The following MGA variants were observed in gnomAD, a reference collection of about 807,000 sequenced individuals.
MGA encodes MAX gene-associated protein.
Under a neutral mutation model 261.1 loss-of-function variants are expected in MGA, and 40 were observed. The ratio of observed to expected loss-of-function variants is 0.15; its 90% CI spans 0.12 to 0.20. The LOEUF (loss-of-function observed/expected upper bound fraction) is 0.20, where lower values mean the gene tolerates loss of function less well. Ranked by LOEUF, MGA falls within the 10% of genes least tolerant of loss-of-function variation. MGA has a pLI of 1.00. For missense variants in MGA, 3,397 were observed against 3,630.5 expected, an observed-to-expected ratio of 0.94 and a Z score of 1.65; for synonymous variants, 1,302 against 1,290.6, an observed-to-expected ratio of 1.01 and a Z score of -0.19.
intron 23 of MGA, 71 bp from the exon 24 acceptor site, chr15:41,765,933 T>C: frequency 8.0e-7 from 1 of 1,257,292 alleles, no homozygotes; most frequent in South Asian, 1.4e-5. Context: ...TTATATGATA[T>C]GACAGAGAGA....
At chr15:41,660,056 G>A (rs1402406752), upstream of MGA, among the ~76,000 whole-genome samples, 1 of 152,244 alleles carries the variant, frequency 6.6e-6, no homozygotes, top group South Asian at 2.1e-4. Flanking sequence ...GGCGGAGCCG[G>A]CGAGGAGCCC....
At chr15:41,684,562 A>G (rs2058847884) in intron 2 of MGA, 2 of 306,806 alleles carry the variant, frequency 6.5e-6, no homozygotes, top group South Asian at 5.7e-5. Flanking sequence ...ACCAAGTTCA[A>G]TTTCTCAGGA....
In MGA at chr15:41,696,700, A is replaced by G. The variant is rs369923398; in HGVS notation, c.1690A>G (p.Arg564Gly). 6 of 1,612,792 alleles carry G rather than the reference A, an allele frequency of 3.7e-6. No homozygotes were observed. Among genetic ancestry groups the G allele is most frequent in the African/African-American group, 2.7e-5 (2 of 74,952 alleles). The change falls in exon 3 of 24, where the codon AGA (arginine) becomes GGA (glycine). Residue 564 changes from arginine to glycine, a missense_variant. Coordinates refer to ENST00000219905, the MANE Select transcript of MGA (RefSeq NM_001164273.2). ...TATATCTGACAGCATTAGCACAGAAAGAATACTCGACGATTCAAAGGATTC... is the reference window on the plus strand; with the variant it reads ...TATATCTGACAGCATTAGCACAGAAGGAATACTCGACGATTCAAAGGATTC...
Position 41,628,655 on chromosome 15 carries a change from AGTG to A in MGA, c.-68+7373_-68+7375del, listed in dbSNP as rs948326568. On this transcript the variant is annotated intron_variant, in intron 1 of 8. Transcript: ENST00000566718. Reference sequence around the variant, plus strand: ...GAGTTGGGAGAGTGCTGGGGTATGAAGTGGTGGTGGTGGTGGTGCATGCTAGTA... The same window carrying A: ...GAGTTGGGAGAGTGCTGGGGTATGAAGTGGTGGTGGTGGTGCATGCTAGTA... Among the ~76,000 whole-genome samples the A allele has an allele frequency of 2.9e-4, 44 of 151,790 alleles. No individual in the cohort carries two copies. In the East Asian group the frequency reaches 4.8e-3, roughly 17 times the overall value.
intron 23 of MGA, among the ~76,000 whole-genome samples, chr15:41,765,354 G>A (rs921198395): frequency 6.6e-6 from 1 of 152,184 alleles, no homozygotes; most frequent in Non-Finnish European, 1.5e-5. Flanking sequence ...CATGGTCTTA[G>A]GTCTTGGTGT....
chr15:41,710,787 G>A lies in MGA; in HGVS notation c.2522G>A (p.Ser841Asn), dbSNP rs566861249. ...AATGAAGGCAAGCTGATGGAAACAA[G>A]CATGGGTTTTTCTTCTAATGCTCCC... is the stretch of plus-strand genomic sequence containing the variant. The change falls in exon 8 of 24, where the codon AGC (serine) becomes AAC (asparagine). Residue 841 changes from serine to asparagine, a missense_variant. Transcript: ENST00000219905. The A allele has an allele frequency of 3.1e-5, 50 of 1,613,920 alleles. No homozygotes were observed. In the African/African-American group the frequency reaches 5.6e-4, roughly 18 times the overall value.
intron 5 of MGA, among the ~76,000 whole-genome samples, chr15:41,701,002 G>A (rs535453572): frequency 1.3e-5 from 2 of 152,284 alleles, no homozygotes; most frequent in African/African-American, 2.4e-5. Context: ...GTGACAGTGC[G>A]ATCTTAAAAG....
intron 2 of MGA, among the ~76,000 whole-genome samples, chr15:41,676,917 GTTTCCCAGCTGC>G (rs1555409554): frequency 6.6e-6 from 1 of 152,024 alleles, no homozygotes; most frequent in Non-Finnish European, 1.5e-5. Context: ...CATCTACCTG[GTTTCCCAGCTGC>G]TTTCCCCCCC....
intron 9 of MGA, 106 bp from the exon 10 acceptor site, chr15:41,727,074 C>T (rs746532244): frequency 6.5e-6 from 5 of 770,510 alleles, no homozygotes; most frequent in South Asian, 6.0e-5. Flanking sequence ...ATTATTTTAA[C>T]GAGTTACTGC....
In MGA at chr15:41,696,210, C is replaced by G; in HGVS notation, c.1200C>G (p.Val400=). The G allele has an allele frequency of 6.2e-7, 1 of 1,613,810 alleles. No homozygotes were observed. Among genetic ancestry groups the G allele is most frequent in the East Asian group, 2.2e-5 (1 of 44,878 alleles). The change falls in exon 3 of 24, where the codon GTC becomes GTG. Residue 400 remains valine (V), a synonymous_variant. Transcript: ENST00000219905. ...AACTTGGTGAGTGCCCAGAAGGGGT[C>G]ACTGTGAAACAGGAAGAGACAGATG...
intron 15 of MGA, among the ~76,000 whole-genome samples, chr15:41,745,941 T>C (rs1312386971): frequency 6.6e-6 from 1 of 152,216 alleles, no homozygotes; most frequent in Non-Finnish European, 1.5e-5. Flanking sequence ...TTCTAATCTT[T>C]TAAAATAAAT....
rs558991781 is a variant in MGA, at chr15:41,667,591, G to C, written c.-67-1237G>C. ...GACGGACTTTCACTACGTTGGACAG[G>C]CTGGTCTGGGACTCCTGACTTCAAG... On this transcript the variant is annotated intron_variant, in intron 1 of 23. Coordinates refer to ENST00000219905, the MANE Select transcript of MGA (RefSeq NM_001164273.2). Among the ~76,000 whole-genome samples the C allele has an allele frequency of 4.6e-4, 70 of 152,158 alleles. No homozygotes were observed. In the South Asian group the frequency reaches 0.011, roughly 24 times the overall value.
chr15:41,626,121 G>T (rs1045838281), intron 1 of MGA, among the ~76,000 whole-genome samples: 1 of 152,130 alleles, frequency 6.6e-6, no homozygotes, highest in Non-Finnish European at 1.5e-5. Flanking sequence ...TACTTTCCTA[G>T]GTTTTAGACA....
chr15:41,747,990 C>T (rs1221364899), intron 15 of MGA, among the ~76,000 whole-genome samples: 1 of 152,164 alleles, frequency 6.6e-6, no homozygotes, highest in African/African-American at 2.4e-5. Flanking sequence ...GGCATGGTGG[C>T]TCATGGCTGC....
chr15:41,741,280 G>C lies in MGA; in HGVS notation c.4585+1077G>C, dbSNP rs375778129. Among the ~76,000 whole-genome samples the C allele has an allele frequency of 3.5e-5, 5 of 142,560 alleles. No individual in the cohort carries two copies. In the East Asian group the frequency reaches 6.3e-4, roughly 18 times the overall value. 93.5% of individuals were successfully genotyped at this position (142,560 alleles called of 152,430 possible). A position where few individuals can be genotyped will look rare whatever the true frequency, so the allele number is the denominator to read the frequency against. ...GAGAATCACTTGAACCCGGGAGGCAGAGGTTGCAGTAATCCGAAATCGTGC... is the reference window on the plus strand; with the variant it reads ...GAGAATCACTTGAACCCGGGAGGCACAGGTTGCAGTAATCCGAAATCGTGC... On this transcript the variant is annotated intron_variant, in intron 14 of 23. Transcript: ENST00000219905.
At chr15:41,692,577 G>A (rs2059341812) in intron 2 of MGA, among the ~76,000 whole-genome samples, 1 of 152,096 alleles carries the variant, frequency 6.6e-6, no homozygotes, top group South Asian at 2.1e-4. Flanking sequence ...ACTTCATTTA[G>A]GCTTATTTAT....
intron 1 of MGA, among the ~76,000 whole-genome samples, chr15:41,663,216 A>G (rs1260601595): frequency 1.3e-5 from 2 of 152,042 alleles, no homozygotes; most frequent in South Asian, 2.1e-4. Context: ...GTGTGTGTAT[A>G]TGTCTTCTGG....
chr15:41,763,934 G>C (rs577399747), intron 22 of MGA, among the ~76,000 whole-genome samples: 2 of 152,164 alleles, frequency 1.3e-5, no homozygotes, highest in South Asian at 4.1e-4. Context: ...GAGGCAGGAG[G>C]ATTGCTTGCA....
chr15:41,713,228 G>A lies in MGA; in HGVS notation c.3162G>A (p.Leu1054=). 1 of 1,614,022 alleles carries A rather than the reference G, an allele frequency of 6.2e-7. No individual in the cohort carries two copies. ...CCTGCAACAATGACTTCTGTCGACT[G>A]GGTTGTGTATGTTCCAGTCTAGCTT... Residue 1054 remains leucine, a synonymous_variant, in exon 9 of 24, where the codon CTG becomes CTA. Coordinates refer to ENST00000219905, the MANE Select transcript of MGA (RefSeq NM_001164273.2).
Sources: allele counts gnomAD v4.1 joint callset (sites outside exome capture counted in the v4.1 genomes callset), GRCh38; gene constraint gnomAD v4.1.1; transcripts MANE v1.5; gene names NCBI Gene and HGNC (gene_info 2026-07-23, HGNC 2026-07-21).